GAB3: variants seen among roughly 807,000 people sequenced by gnomAD.
GAB3 encodes the protein GRB2-associated-binding protein 3.
Under a neutral mutation model 40.4 loss-of-function variants are expected in GAB3, and 12 were observed. That is an observed-to-expected ratio of 0.30 (90% CI 0.19 to 0.48). GAB3 has a LOEUF of 0.48. GAB3 is among the 20% of genes least tolerant of loss of function. The probability of loss-of-function intolerance (pLI) is 0.99; values close to 1 mark genes in which losing one functional copy is unlikely to be tolerated. For synonymous variants in GAB3, 154 were observed against 176.7 expected (o/e 0.87, Z 1.02); for missense variants, 381 against 461.9 (o/e 0.82, Z 1.61).
At chrX:154,697,348 T>C (rs782124416) in intron 6 of GAB3, 135 bp from the exon 7 acceptor site, 8 of 404,811 alleles carry the variant, frequency 2.0e-5, no homozygotes, top group Non-Finnish European at 3.4e-5. Flanking sequence ...TGAATTTCAC[T>C]GTCCTCCTCT....
intron 4 of GAB3, among the ~76,000 whole-genome samples, chrX:154,708,067 C>A (rs782062745): frequency 4.9e-4 from 55 of 111,450 alleles, no homozygotes; most frequent in Non-Finnish European, 9.8e-4. Flanking sequence ...AGAAATACAC[C>A]CACATGTACA....
chrX:154,729,358 G>T (rs1424828179), intron 1 of GAB3, among the ~76,000 whole-genome samples: 1 of 111,930 alleles, frequency 8.9e-6, no homozygotes, highest in East Asian at 2.8e-4. Flanking sequence ...AACCAAGCCC[G>T]GTTGGTTGCA....
chrX:154,713,698 T>C (rs782190924), intron 2 of GAB3, among the ~76,000 whole-genome samples: 1 of 86,719 alleles, frequency 1.2e-5, no homozygotes, highest in African/African-American at 4.2e-5. Context: ...TTTATGGCCC[T>C]CAGCAGCAGC....
At chrX:154,704,758 C>A (rs2070783429) in intron 4 of GAB3, among the ~76,000 whole-genome samples, 1 of 111,181 alleles carries the variant, frequency 9.0e-6, no homozygotes, top group South Asian at 3.7e-4. Context: ...GGAGGCATTA[C>A]AATAGTTACC....
intron 1 of GAB3, among the ~76,000 whole-genome samples, chrX:154,728,000 G>A (rs1557259538): frequency 8.9e-6 from 1 of 111,802 alleles, no homozygotes; most frequent in African/African-American, 3.3e-5. Flanking sequence ...ACACAGAAAT[G>A]AACTGAGAAA....
rs782469818 is a variant in GAB3 at position 154,693,952 on chromosome X, A to G, written c.1530+1965T>C. Among the ~76,000 whole-genome samples the G allele has an allele frequency of 5.4e-5, 6 of 111,596 alleles. No homozygotes were observed. In the East Asian group the frequency reaches 1.7e-3, roughly 31 times the overall value. On this transcript the variant is annotated intron_variant, in intron 8 of 9. Transcript: ENST00000424127. Reference sequence around the variant, plus strand: ...AACATTTAAAGAAGGATATATGGCAAAACTTGTATTTCAGTAAAGCAAAAC... The same window carrying G: ...AACATTTAAAGAAGGATATATGGCAGAACTTGTATTTCAGTAAAGCAAAAC...
chrX:154,695,923 G>A lies in GAB3; in HGVS notation c.1524C>T (p.Ile508=), dbSNP rs2070648719. 1.7e-6 allele frequency: 2 copies of A among 1,144,576 alleles called. No individual in the cohort carries two copies. The highest frequency in any genetic ancestry group is 1.2e-6 in the Non-Finnish European group (1 of 836,509). The allele number at this position is 1,144,576 out of a possible 1,213,427, so 94.3% of individuals were successfully genotyped here. A position where few individuals can be genotyped will look rare whatever the true frequency, so the allele number is the denominator to read the frequency against. ...PVSREDEESY[I]EMEEHRTASS... ...GTGAAAAATATAAGATTACCATTTC[G>A]ATGTAGCTTTCTTCGTCTTCTCTGG... is the stretch of plus-strand genomic sequence containing the variant. Residue 508 remains isoleucine (I), a synonymous_variant, in exon 8 of 10, where the codon ATC becomes ATT. Coordinates refer to ENST00000424127, the MANE Select transcript of GAB3 (RefSeq NM_001081573.3).
chrX:154,704,320 A>G (rs1439455230), intron 4 of GAB3, among the ~76,000 whole-genome samples: 1 of 111,584 alleles, frequency 9.0e-6, no homozygotes, highest in Non-Finnish European at 1.9e-5. Flanking sequence ...ATTAGACAGA[A>G]TAAGACCTAA....
At chrX:154,726,720 C>A (rs782491931) in intron 1 of GAB3, among the ~76,000 whole-genome samples, 1 of 111,656 alleles carries the variant, frequency 9.0e-6, no homozygotes, top group East Asian at 2.8e-4. Context: ...GGCCACTTAA[C>A]CCTCTCCTCT....
intron 1 of GAB3, among the ~76,000 whole-genome samples, chrX:154,732,047 T>C (rs1296565261): frequency 9.0e-6 from 1 of 111,690 alleles, no homozygotes; most frequent in East Asian, 2.8e-4. Flanking sequence ...ATGTGTGATG[T>C]CGAGAAGCTG....
At chrX:154,686,575 C>A (rs2070453124) in intron 8 of GAB3, among the ~76,000 whole-genome samples, 1 of 109,531 alleles carries the variant, frequency 9.1e-6, no homozygotes, top group African/African-American at 3.3e-5. Context: ...ACTATAGGCA[C>A]AGCTACTATG....
chrX:154,709,321 AG>A (rs1316730099), intron 4 of GAB3, among the ~76,000 whole-genome samples: 2 of 48,615 alleles, frequency 4.1e-5, no homozygotes, highest in Non-Finnish European at 9.1e-5. Flanking sequence ...AGTCTCCGGC[AG>A]TTTTTTTTTT....
Position 154,713,212 on chromosome X carries a change from A to G in GAB3, c.591T>C (p.His197=). The G allele has an allele frequency of 8.3e-7, 1 of 1,204,836 alleles. No homozygotes were observed. The highest frequency in any genetic ancestry group is 1.8e-5 in the South Asian group (1 of 56,826). ...LSNCETGRLH[H]TSLPTRCDSW... ...AGTCCTGGGCATAAGCATACCTGGT[A>G]TGGTGCAGTCTTCCAGTCTCGCAGT... is the stretch of plus-strand genomic sequence containing the variant. Residue 197 remains histidine (H), a synonymous_variant, in exon 3 of 10, where the codon CAT becomes CAC. Transcript: ENST00000424127.
chrX:154,700,351 GGA>G (rs782303023), intron 4 of GAB3, among the ~76,000 whole-genome samples: 1 of 111,539 alleles, frequency 9.0e-6, no homozygotes, highest in South Asian at 3.8e-4. Flanking sequence ...TTTGAGGAGA[GGA>G]GAGAGGTTTG....
chrX:154,741,252 C>G (rs1557261203), intron 1 of GAB3, among the ~76,000 whole-genome samples: 1 of 112,062 alleles, frequency 8.9e-6, no homozygotes, highest in Non-Finnish European at 1.9e-5. Flanking sequence ...CCCATTAAAC[C>G]TCTTTCTTTT....
chrX:154,735,339 A>G (rs2071350212), intron 1 of GAB3, among the ~76,000 whole-genome samples: 2 of 112,532 alleles, frequency 1.8e-5, no homozygotes, highest in East Asian at 5.5e-4. Flanking sequence ...TGATTATTTG[A>G]GTGCCATTCC....
intron 2 of GAB3, among the ~76,000 whole-genome samples, chrX:154,714,184 A>G (rs1337146929): frequency 9.0e-6 from 1 of 111,246 alleles, no homozygotes; most frequent in Non-Finnish European, 1.9e-5. Flanking sequence ...GAAACAGCCA[A>G]TGAAAAGCCT....
intron 1 of GAB3, among the ~76,000 whole-genome samples, chrX:154,749,582 G>T (rs1021027851): frequency 1.4e-4 from 16 of 112,404 alleles, no homozygotes; most frequent in African/African-American, 4.5e-4. Context: ...ATGGACTCCT[G>T]GACTCAAAAG....
chrX:154,690,037 C>T (rs1479958873), intron 8 of GAB3, among the ~76,000 whole-genome samples: 1 of 110,891 alleles, frequency 9.0e-6, no homozygotes, highest in East Asian at 2.8e-4. Flanking sequence ...CTACAGTAAC[C>T]AAAACAGCAT....
Sources: allele counts gnomAD v4.1 joint callset (sites outside exome capture counted in the v4.1 genomes callset), GRCh38; gene constraint gnomAD v4.1.1; transcripts MANE v1.5; gene names NCBI Gene and HGNC (gene_info 2026-07-23, HGNC 2026-07-21).